SLX4: variants seen among roughly 807,000 people sequenced by gnomAD.
SLX4 encodes the protein structure-specific endonuclease subunit SLX4.
SLX4 carries 112 observed loss-of-function variants against 146.2 expected under a neutral mutation model. The observed-to-expected ratio is 0.77, with a 90% CI of 0.66 to 0.90. The LOEUF (loss-of-function observed/expected upper bound fraction) is 0.90, where lower values mean the gene tolerates loss of function less well. Ranked by LOEUF, SLX4 falls within the 40% of genes least tolerant of loss-of-function variation. The pLI is 0.00. For missense variants in SLX4, 2,563 were observed against 2,392.7 expected (o/e 1.07, Z -1.49); for synonymous variants, 1,061 against 997.7 (o/e 1.06, Z -1.20).
Position 3,603,049 on chromosome 16 carries a change from T to TTTTG in SLX4, c.761-746_761-743dup, listed in dbSNP as rs377675862. Among the ~76,000 whole-genome samples, 512 of 152,210 alleles carry TTTTG rather than the reference T, an allele frequency of 3.4e-3. 1 individual carries two copies. Among genetic ancestry groups the TTTTG allele is most frequent in the African/African-American group, 0.01 (430 of 41,524 alleles). On this transcript the variant is annotated intron_variant, in intron 3 of 14. Coordinates refer to ENST00000294008, the MANE Select transcript of SLX4 (RefSeq NM_032444.4). ...AGCACACCTTCATTTTGGTGCCCTG[T>TTTTG]TTTGTTTGTTTGTTTGTTTTTGAGA...
intron 1 of SLX4, among the ~76,000 whole-genome samples, chr16:3,610,750 G>C (rs1017943774): frequency 2.0e-5 from 3 of 152,160 alleles, no homozygotes; most frequent in Non-Finnish European, 4.4e-5. Flanking sequence ...AACCTCTTTG[G>C]CTGATCTGGT....
At chr16:3,602,063 G>A in intron 4 of SLX4, 55 bp downstream of exon 4, 1 of 1,610,290 alleles carries the variant, frequency 6.2e-7, no homozygotes, top group Non-Finnish European at 8.5e-7. Context: ...GCCCTGGGGT[G>A]CTTGGGGATT....
At chr16:3,599,694 C>T (rs764239508) in intron 5 of SLX4, among the ~76,000 whole-genome samples, 1 of 152,212 alleles carries the variant, frequency 6.6e-6, no homozygotes, top group African/African-American at 2.4e-5. Flanking sequence ...TCAAGTGATC[C>T]TTCCGCCTCA....
rs188808130 is a variant in SLX4 at position 3,589,757 on chromosome 16, G to A, written c.3881C>T (p.Ala1294Val). 6.2e-7 allele frequency: 1 copy of A among 1,613,726 alleles called. No homozygotes were observed. The highest frequency in any genetic ancestry group is 1.3e-5 in the African/African-American group (1 of 75,040). ...VQAVTQHTPR[A>V]SVGNREGNEV... ...GTTCCCTTCCCTGTTTCCTACTGAGGCCCTGGGCGTGTGCTGAGTCACCGC... is the reference window on the plus strand; with the variant it reads ...GTTCCCTTCCCTGTTTCCTACTGAGACCCTGGGCGTGTGCTGAGTCACCGC... The change falls in exon 12 of 15, where the codon GCC becomes GTC. Residue 1294 changes from alanine to valine, a missense_variant. Physicochemically the swap from Ala to Val is moderately conservative, Grantham distance 64 (BLOSUM62 0). Coordinates refer to ENST00000294008, the MANE Select transcript of SLX4 (RefSeq NM_032444.4). This position sits in a 1 kb window ranked among gnomAD's most constrained non-coding sequence, Gnocchi z 6.2.
intron 14 of SLX4, 79 bp downstream of exon 14, chr16:3,583,018 G>T (rs888649829): frequency 2.2e-5 from 34 of 1,546,040 alleles, no homozygotes; most frequent in African/African-American, 2.7e-5. Context: ...TGGCCATTAG[G>T]TCTCACTCGT....
chr16:3,609,156 C>G lies in SLX4; in HGVS notation c.-192G>C. On this transcript the variant is annotated 5_prime_UTR_variant, in exon 2 of 15. Coordinates refer to ENST00000294008, the MANE Select transcript of SLX4 (RefSeq NM_032444.4). ...CGGTGGCTCACACTTGTAATCCCAGCTCTTTTGGAGGACGAGGCGGGGGGT... is the reference window on the plus strand; with the variant it reads ...CGGTGGCTCACACTTGTAATCCCAGGTCTTTTGGAGGACGAGGCGGGGGGT... 1 of 616,382 alleles carries G rather than the reference C, an allele frequency of 1.6e-6. No individual in the cohort carries two copies. The highest frequency in any genetic ancestry group is 2.7e-5 in the Admixed American group (1 of 36,818). 38.2% of individuals were successfully genotyped at this position (616,382 alleles called of 1,614,324 possible). A position where few individuals can be genotyped will look rare whatever the true frequency, so the allele number is the denominator to read the frequency against.
In SLX4 at chr16:3,582,661, T is replaced by C. The variant is rs1203040904; in HGVS notation, c.5186A>G (p.Glu1729Gly). 1 of 1,613,046 alleles carries C rather than the reference T, an allele frequency of 6.2e-7. No individual in the cohort carries two copies. The highest frequency in any genetic ancestry group is 2.2e-5 in the East Asian group (1 of 44,862). The change falls in exon 15 of 15, where the codon GAG (glutamate) becomes GGG (glycine). Residue 1729 changes from glutamate to glycine, a missense_variant. By Grantham distance (98) the Glu-to-Gly change is moderately conservative (BLOSUM62 -2). Coordinates refer to ENST00000294008, the MANE Select transcript of SLX4 (RefSeq NM_032444.4). ...CTCGCCCTCCTCTTCACCTGCAGAC[T>C]CAAATGCCGCTCCAAACTCACAGGA... ...SSSCEFGAAF[E>G]SAGEEEGEGE...
chr16:3,590,273 G>T lies in SLX4; in HGVS notation c.3365C>A (p.Pro1122Gln). 1 of 1,613,860 alleles carries T rather than the reference G, an allele frequency of 6.2e-7. No individual in the cohort carries two copies. ...KGVLMFPEKS[P>Q]SIDLTQSNPD... ...ATTTGACTGGGTTAGGTCAATAGAC[G>T]GAGATTTTTCTGGGAACATCAGGAC... The change falls in exon 12 of 15, where the codon CCG becomes CAG. Residue 1122 changes from proline (P) to glutamine (Q), a missense_variant. Coordinates refer to ENST00000294008, the MANE Select transcript of SLX4 (RefSeq NM_032444.4). The surrounding 1 kb of genome is among the most constrained non-coding windows in gnomAD (Gnocchi z 4.8).
chr16:3,583,121 C>G lies in SLX4; in HGVS notation c.5129G>C (p.Ser1710Thr). 6.2e-7 allele frequency: 1 copy of G among 1,614,292 alleles called. No individual in the cohort carries two copies. The highest frequency in any genetic ancestry group is 8.5e-7 in the Non-Finnish European group (1 of 1,180,050). The change falls in exon 14 of 15, where the codon AGT becomes ACT. Residue 1710 changes from serine to threonine, a missense_variant. Ser to Thr is a moderately conservative substitution (Grantham distance 58). Transcript: ENST00000294008. Reference sequence around the variant, plus strand: ...CCTCTGTGAGCTCAAGGAGCTGTCACTGCCATCCACAGAGGTGGCCACGGA... The same window carrying G: ...CCTCTGTGAGCTCAAGGAGCTGTCAGTGCCATCCACAGAGGTGGCCACGGA... ...QESVATSVDGSDSSLSSQSSS... is the reference protein window; with the variant it reads ...QESVATSVDGTDSSLSSQSSS...
intron 3 of SLX4, 67 bp downstream of exon 3, chr16:3,606,407 C>T (rs1473925899): frequency 1.7e-5 from 26 of 1,555,120 alleles, no homozygotes; most frequent in Non-Finnish European, 2.3e-5. Flanking sequence ...TGATTCCTTC[C>T]CGCCTCCCTT....
rs1383377270 is a variant in SLX4 at position 3,585,801 on chromosome 16, A to C, written c.4637-930T>G. Among the ~76,000 whole-genome samples, 16 of 119,192 alleles carry C rather than the reference A, an allele frequency of 1.3e-4. 1 individual carries two copies. In the East Asian group the frequency reaches 2.7e-3, roughly 20 times the overall value. 78.2% of individuals were successfully genotyped at this position (119,192 alleles called of 152,430 possible). A position where few individuals can be genotyped will look rare whatever the true frequency, so the allele number is the denominator to read the frequency against. ...CAAAATGGCAGAACCCTATCTCTACAAAAAAAAAAAAAAAAAAATACAAAA... is the reference window on the plus strand; with the variant it reads ...CAAAATGGCAGAACCCTATCTCTACCAAAAAAAAAAAAAAAAAATACAAAA... On this transcript the variant is annotated intron_variant, in intron 12 of 14. Transcript: ENST00000294008.
intron 1 of SLX4, among the ~76,000 whole-genome samples, 195 bp downstream of exon 1, chr16:3,611,365 G>T (rs1222869785): frequency 1.3e-5 from 2 of 152,240 alleles, no homozygotes; most frequent in Non-Finnish European, 2.9e-5. Flanking sequence ...CCCTCCAGGC[G>T]GGCCCCGGCC....
chr16:3,583,229 C>T lies in SLX4; in HGVS notation c.5021G>A (p.Ser1674Asn). 3 of 1,614,210 alleles carry T rather than the reference C, an allele frequency of 1.9e-6. No individual in the cohort carries two copies. Among genetic ancestry groups the T allele is most frequent in the Non-Finnish European group, 2.5e-6 (3 of 1,180,044 alleles). Residue 1674 changes from serine to asparagine, a missense_variant, in exon 14 of 15, where the codon AGC (serine) becomes AAC (asparagine). Ser to Asn is a conservative substitution (Grantham distance 46, BLOSUM62 1). Coordinates refer to ENST00000294008, the MANE Select transcript of SLX4 (RefSeq NM_032444.4). ...GGGCGACCTGCTTGGGGGTGTGATG[C>T]TTTCATGATGCTTCCTTTGATGTCG... is the stretch of plus-strand genomic sequence containing the variant. ...GPRHQRKHHE[S>N]ITPPSRSPTK...
chr16:3,589,498 C>T lies in SLX4; in HGVS notation c.4140G>A (p.Gly1380=), dbSNP rs2040550910. 1.9e-6 allele frequency: 3 copies of T among 1,610,004 alleles called. No homozygotes were observed. Among genetic ancestry groups the T allele is most frequent in the African/African-American group, 1.3e-5 (1 of 74,984 alleles). Residue 1380 remains glycine (G), a synonymous_variant, in exon 12 of 15, where the codon GGG becomes GGA. Coordinates refer to ENST00000294008, the MANE Select transcript of SLX4 (RefSeq NM_032444.4). The surrounding 1 kb of genome is among the most constrained non-coding windows in gnomAD (Gnocchi z 6.2). The part of the protein sequence containing the change: ...SRRFLKHSPP[G]PSFLNQTPAG... ...CTGGGGTCTGGTTCAGGAAGCTTGG[C>T]CCAGGCGGCGAGTGTTTCAGGAACC... is the stretch of plus-strand genomic sequence containing the variant.
At chr16:3,611,428 G>C (rs1472910243) in intron 1 of SLX4, 132 bp downstream of exon 1, 2 of 152,260 alleles carry the variant, frequency 1.3e-5, no homozygotes, top group South Asian at 4.1e-4. Flanking sequence ...CGGGCCTGCC[G>C]AGGCCACGGA....
In SLX4 at chr16:3,590,255, T is replaced by A. The variant is rs1347910993; in HGVS notation, c.3383A>T (p.Gln1128Leu). 5.6e-6 allele frequency: 9 copies of A among 1,614,210 alleles called. No individual in the cohort carries two copies. In the South Asian group the frequency reaches 9.9e-5, roughly 18 times the overall value. Residue 1128 changes from glutamine (Q) to leucine (L), a missense_variant, in exon 12 of 15, where the codon CAG (glutamine) becomes CTG (leucine). Gln to Leu is a moderately radical substitution (Grantham distance 113). Transcript: ENST00000294008. This position sits in a 1 kb window ranked among gnomAD's most constrained non-coding sequence, Gnocchi z 4.8. ...GGAGCTCGAATGGTCAGGATTTGAC[T>A]GGGTTAGGTCAATAGACGGAGATTT... ...PEKSPSIDLTQSNPDHSSSRS... is the reference protein window; with the variant it reads ...PEKSPSIDLTLSNPDHSSSRS...
chr16:3,591,426 G>A, intron 11 of SLX4, 116 bp from the exon 12 acceptor site: 2 of 1,454,674 alleles, frequency 1.4e-6, no homozygotes. Context: ...CCATGACCCA[G>A]GCCCTGCTTC....
chr16:3,605,775 G>A (rs1399700979), intron 3 of SLX4, among the ~76,000 whole-genome samples: 1 of 150,890 alleles, frequency 6.6e-6, no homozygotes, highest in Non-Finnish European at 1.5e-5. Flanking sequence ...GTGAAACCTT[G>A]TCTCTACTAA....
intron 2 of SLX4, 96 bp from the exon 3 acceptor site, chr16:3,606,794 C>T (rs1331835802): frequency 2.3e-6 from 3 of 1,304,172 alleles, no homozygotes; most frequent in African/African-American, 2.9e-5. Context: ...TTCAAGAGTC[C>T]TTTATCAACT....
Sources: gnomAD v4.1 joint callset for allele counts (sites outside exome capture counted in the v4.1 genomes callset) on GRCh38, gnomAD v4.1.1 for gene constraint, Gnocchi (gnomAD v3.1) non-coding constraint, MANE v1.5 for transcripts, NCBI Gene and HGNC (gene_info 2026-07-23, HGNC 2026-07-21) for gene names.